Variants in EFL1 observed in about 807,000 individuals in gnomAD.
EFL1 encodes the protein elongation factor-like GTPase 1.
EFL1 carries 76 observed loss-of-function variants against 126.7 expected under a neutral mutation model. That is an observed-to-expected ratio of 0.60 (90% CI 0.50 to 0.73). The LOEUF is 0.73. EFL1 is among the 30% of genes least tolerant of loss of function. The pLI, the probability that EFL1 is intolerant of heterozygous loss-of-function variation, is 0.00. For missense variants in EFL1, 1,128 were observed against 1,343.2 expected (o/e 0.84, Z 2.50); for synonymous variants, 410 against 448.4 (o/e 0.91, Z 1.08).
At position 82,219,641 on chromosome 15, in the gene EFL1, T is replaced by A; in HGVS notation, c.1611+11A>T. 6.3e-7 allele frequency: 1 copy of A among 1,595,728 alleles called. No individual in the cohort carries two copies. Among genetic ancestry groups the A allele is most frequent in the Non-Finnish European group, 8.5e-7 (1 of 1,174,754 alleles). ...GAAACAATATATAAATATTTTACTT[T>A]CAATTCTTACCCTTCGTAAAAACTC... On this transcript the variant is annotated intron_variant, in intron 14 of 19. Transcript: ENST00000268206.
At chr15:82,223,435 A>C (rs2074731765) in intron 12 of EFL1, among the ~76,000 whole-genome samples, 1 of 152,186 alleles carries the variant, frequency 6.6e-6, no homozygotes, top group Non-Finnish European at 1.5e-5. Context: ...AATAGAATGG[A>C]TTGCACTATC....
At chr15:82,260,079 G>T (rs1248326479) in intron 2 of EFL1, among the ~76,000 whole-genome samples, 1 of 152,166 alleles carries the variant, frequency 6.6e-6, no homozygotes, top group Non-Finnish European at 1.5e-5. Context: ...CCTAGGACCA[G>T]AACAACGCTT....
intron 3 of EFL1, among the ~76,000 whole-genome samples, chr15:82,258,342 T>C (rs2075083952): frequency 6.6e-6 from 1 of 152,158 alleles, no homozygotes; most frequent in Admixed American, 6.5e-5. Flanking sequence ...GAGGATTGCT[T>C]GAGCCCAGGA....
rs772890027 is a variant in EFL1, at chr15:82,157,851, G to C, written c.1892C>G (p.Pro631Arg). 2 of 1,612,520 alleles carry C rather than the reference G, an allele frequency of 1.2e-6. No homozygotes were observed. Among genetic ancestry groups the C allele is most frequent in the Non-Finnish European group, 1.7e-6 (2 of 1,179,078 alleles). Reference protein sequence around the residue: ...AVEPKHPSEMPQLVKGMKLLN... With the variant: ...AVEPKHPSEMRQLVKGMKLLN... ...CAGTTTCATTCCTTTTACGAGCTGA[G>C]GCATTTCACCTAGGTTAACAAAACG... Residue 631 changes from proline (P) to arginine (R), a missense_variant, in exon 17 of 20, where the codon CCT (proline) becomes CGT (arginine). By Grantham distance (103) the Pro-to-Arg change is moderately radical. Coordinates refer to ENST00000268206, the MANE Select transcript of EFL1 (RefSeq NM_024580.6).
At chr15:82,183,615 A>T (rs2074274305) in intron 15 of EFL1, among the ~76,000 whole-genome samples, 2 of 152,232 alleles carry the variant, frequency 1.3e-5, no homozygotes, top group South Asian at 4.1e-4. Flanking sequence ...GCTGGGAGAA[A>T]TGTAATAATA....
chr15:82,199,029 T>TA (rs377629836), intron 15 of EFL1, among the ~76,000 whole-genome samples: 30 of 150,298 alleles, frequency 2.0e-4, no homozygotes, highest in Non-Finnish European at 3.1e-4. Flanking sequence ...TTCACTGCAT[T>TA]AAAAAAAAAC....
At position 82,247,565 on chromosome 15, in the gene EFL1, G is replaced by A. The variant is rs1425157279; in HGVS notation, c.244+5126C>T. 3.3e-5 allele frequency among the ~76,000 whole-genome samples: 5 copies of A among 152,072 alleles called. No individual in the cohort carries two copies. In the South Asian group the frequency reaches 8.3e-4, roughly 25 times the overall value. On this transcript the variant is annotated intron_variant, in intron 4 of 19. Transcript: ENST00000268206. ...AATCAGATCTGGGAACAAAAAGAAT[G>A]GCAATCCCATATGCTAACCCAGAGA... is the stretch of plus-strand genomic sequence containing the variant.
intron 15 of EFL1, among the ~76,000 whole-genome samples, chr15:82,187,213 A>G (rs1437121776): frequency 6.6e-6 from 1 of 152,216 alleles, no homozygotes; most frequent in Admixed American, 6.5e-5. Flanking sequence ...AGAGGCCAAC[A>G]TTGTGACATA....
chr15:82,224,372 T>C (rs1235698443), intron 12 of EFL1, among the ~76,000 whole-genome samples: 1 of 152,200 alleles, frequency 6.6e-6, no homozygotes, highest in African/African-American at 2.4e-5. Context: ...CAAATACACA[T>C]TAAAATAAAT....
At chr15:82,149,160 T>C (rs1402344786) in intron 18 of EFL1, among the ~76,000 whole-genome samples, 1 of 152,172 alleles carries the variant, frequency 6.6e-6, no homozygotes, top group South Asian at 2.1e-4. Context: ...TTCTTTTTCT[T>C]GCCATTAAAA....
In EFL1 at chr15:82,136,550, G is replaced by A. The variant is rs898904438; in HGVS notation, c.3174+2108C>T. 2.6e-5 allele frequency among the ~76,000 whole-genome samples: 4 copies of A among 152,118 alleles called. 1 individual carries two copies. In the South Asian group the frequency reaches 8.3e-4, roughly 32 times the overall value. On this transcript the variant is annotated intron_variant, in intron 19 of 19. Transcript: ENST00000268206. Reference sequence around the variant, plus strand: ...TGTATTGCTCTGTAATCACACATCTGGTCACTAAAACCTGTGGTAGAGGAT... The same window carrying A: ...TGTATTGCTCTGTAATCACACATCTAGTCACTAAAACCTGTGGTAGAGGAT...
At chr15:82,227,173 C>G (rs2074772281) in intron 11 of EFL1, among the ~76,000 whole-genome samples, 1 of 152,178 alleles carries the variant, frequency 6.6e-6, no homozygotes, top group Non-Finnish European at 1.5e-5. Context: ...ACCTACAAAG[C>G]CCAGAATGGG....
rs139564582 is a variant in EFL1, at chr15:82,165,646, C to G, written c.1751-1662G>C. Among the ~76,000 whole-genome samples, 602 of 152,318 alleles carry G rather than the reference C, an allele frequency of 4.0e-3. 4 individuals are homozygous for G. Among genetic ancestry groups the G allele is most frequent in the African/African-American group, 0.014 (585 of 41,566 alleles). On this transcript the variant is annotated intron_variant, in intron 15 of 19. Transcript: ENST00000268206. The stretch of plus-strand genomic sequence containing the variant: ...TTCCTTGCAGTATTCTAAAATCTGT[C>G]TTTCCCCATCTCCACACATCGTTCT...
chr15:82,233,880 G>A (rs756508147), intron 7 of EFL1: 1 of 152,106 alleles, frequency 6.6e-6, no homozygotes, highest in African/African-American at 2.4e-5. Flanking sequence ...CCTATTCACT[G>A]ACATTTTAGA....
intron 6 of EFL1, among the ~76,000 whole-genome samples, chr15:82,238,930 G>A (rs1262618818): frequency 6.6e-6 from 1 of 151,900 alleles, no homozygotes; most frequent in Non-Finnish European, 1.5e-5. Flanking sequence ...ACCCTCTTCA[G>A]GCCCTCTTCC....
At chr15:82,162,212 G>T (rs140538048) in intron 16 of EFL1, among the ~76,000 whole-genome samples, 1 of 152,300 alleles carries the variant, frequency 6.6e-6, no homozygotes, top group Non-Finnish European at 1.5e-5. Flanking sequence ...AGGAGGTCAA[G>T]GCTGCAGTGA....
In EFL1 at chr15:82,163,982, T is replaced by C. The variant is rs373731979; in HGVS notation, c.1753A>G (p.Ile585Val). 23 of 1,613,602 alleles carry C rather than the reference T, an allele frequency of 1.4e-5. No individual in the cohort carries two copies. The highest frequency in any genetic ancestry group is 1.9e-5 in the Non-Finnish European group (22 of 1,179,866). Residue 585 changes from isoleucine (I) to valine (V), a missense_variant and splice_region_variant, in exon 16 of 20, where the codon ATA becomes GTA. Physicochemically the swap from Ile to Val is conservative, Grantham distance 29. This residue lies in a region of EFL1 where 561 missense variants were observed against 641.7 expected (regional missense o/e 0.87). Coordinates refer to ENST00000268206, the MANE Select transcript of EFL1 (RefSeq NM_024580.6). ...AGCACAAAATCTTGAAGGCCTCCTA[T>C]TCCTGTAGGAAGAAAAGATCCATAC... ...EEVPPGNVLGIGGLQDFVLKS... is the reference protein window; with the variant it reads ...EEVPPGNVLGVGGLQDFVLKS...
intron 15 of EFL1, among the ~76,000 whole-genome samples, chr15:82,173,297 T>C (rs549970013): frequency 6.6e-6 from 1 of 152,198 alleles, no homozygotes; most frequent in South Asian, 2.1e-4. Context: ...AAAAAAAATA[T>C]ATTGCTGACA....
At chr15:82,235,393 A>G (rs1191548413) in intron 7 of EFL1, among the ~76,000 whole-genome samples, 4 of 152,204 alleles carry the variant, frequency 2.6e-5, no homozygotes, top group Non-Finnish European at 4.4e-5. Context: ...CTTTAAGAAG[A>G]TAAACAAAAA....
Sources: allele counts gnomAD v4.1 joint callset (sites outside exome capture counted in the v4.1 genomes callset), GRCh38; gene constraint gnomAD v4.1.1; regional missense constraint gnomAD v4.1.1; transcripts MANE v1.5; gene names NCBI Gene and HGNC (gene_info 2026-07-23, HGNC 2026-07-21).